Variants in EPN1 observed in about 807,000 individuals in gnomAD.
The protein encoded by EPN1 is epsin 1.
A neutral mutation model predicts 56.9 loss-of-function variants in EPN1; 25 were observed. That is an observed-to-expected ratio of 0.44 (90% confidence interval 0.32 to 0.61). The LOEUF is 0.61. Ranked by LOEUF, EPN1 falls within the 20% of genes least tolerant of loss-of-function variation. The probability of loss-of-function intolerance (pLI) is 0.05; values close to 1 mark genes in which losing one functional copy is unlikely to be tolerated. For synonymous variants in EPN1, 411 were observed against 361.8 expected, an observed-to-expected ratio of 1.14 and a Z score of -1.54; for missense variants, 785 against 823.7, an observed-to-expected ratio of 0.95 and a Z score of 0.58.
chr19:55,690,840 C>T (rs114562824), intron 6 of EPN1, among the ~76,000 whole-genome samples: 395 of 152,264 alleles, frequency 2.6e-3, no homozygotes, highest in African/African-American at 9.0e-3. Context: ...TCTTGGTAGA[C>T]GGAAAGCCTC....
intron 2 of EPN1, among the ~76,000 whole-genome samples, chr19:55,684,860 G>T (rs34964673): frequency 0.12 from 18,178 of 152,290 alleles, 1,213 homozygotes; most frequent in East Asian, 0.25. Context: ...GGCGGCTGTG[G>T]TGCCTGTAGC....
In EPN1 at chr19:55,698,764, CT is replaced by C. The variant is rs55657569; in HGVS notation, c.*3409del. On this transcript the variant is annotated 3_prime_UTR_variant, in exon 11 of 11. Transcript: ENST00000270460. ...GAAGAAATGCCCTTTTTTTTCCCCC[CT>C]AGAAGGAGTCTTGCTCTGTTGCCAG... 0.11 allele frequency: 16,503 copies of C among 151,968 alleles called. 1,039 individuals are homozygous for C. The highest frequency in any genetic ancestry group is 0.19 in the Middle Eastern group (55 of 294). 9.4% of individuals were successfully genotyped at this position (151,968 alleles called of 1,614,324 possible).
At chr19:55,684,239 G>T (rs1986017309) in intron 2 of EPN1, among the ~76,000 whole-genome samples, 2 of 152,164 alleles carry the variant, frequency 1.3e-5, no homozygotes, top group South Asian at 4.1e-4. Context: ...TTTCTCCTTG[G>T]TTCAGACGGA....
In EPN1 at chr19:55,706,547, T is replaced by A. The variant is rs1276544625; in HGVS notation, c.*11191T>A. 1 of 151,186 alleles carries A rather than the reference T, an allele frequency of 6.6e-6. No individual in the cohort carries two copies. Among genetic ancestry groups the A allele is most frequent in the Non-Finnish European group, 1.5e-5 (1 of 67,890 alleles). The allele number at this position is 151,186 out of a possible 1,614,324, so 9.4% of individuals were successfully genotyped here. Reference sequence around the variant, plus strand: ...GATGCCTGTAATCTCAGCTCCTCAGTAGGCTAAGGCGGGAGAATCGCTTGA... The same window carrying A: ...GATGCCTGTAATCTCAGCTCCTCAGAAGGCTAAGGCGGGAGAATCGCTTGA... On this transcript the variant is annotated 3_prime_UTR_variant, in exon 11 of 11. Coordinates refer to ENST00000270460, the MANE Select transcript of EPN1 (RefSeq NM_001130072.2).
At chr19:55,682,871 C>T (rs1290992345) in intron 2 of EPN1, among the ~76,000 whole-genome samples, 1 of 152,054 alleles carries the variant, frequency 6.6e-6, no homozygotes, top group Non-Finnish European at 1.5e-5. Flanking sequence ...ATTCTCCTGC[C>T]TTAGCCTCCC....
At chr19:55,682,528 C>T (rs961928779) in intron 2 of EPN1, among the ~76,000 whole-genome samples, 1 of 152,020 alleles carries the variant, frequency 6.6e-6, no homozygotes, top group African/African-American at 2.4e-5. Flanking sequence ...AAGCAATCCT[C>T]CTGCCACAGC....
At chr19:55,685,910 T>C (rs1986138662) in intron 3 of EPN1, among the ~76,000 whole-genome samples, 1 of 152,130 alleles carries the variant, frequency 6.6e-6, no homozygotes, top group Non-Finnish European at 1.5e-5. Context: ...TTTATTCCGC[T>C]CCCCCATAGG....
rs1027452804 is a variant in EPN1, at chr19:55,696,473, G to T, written c.*1117G>T. On this transcript the variant is annotated 3_prime_UTR_variant, in exon 11 of 11. Transcript: ENST00000270460. Reference sequence around the variant, plus strand: ...TCTTCCATGTGGAGTCTCCCTCCGTGATCCCCTGGGGTCAAGTCCTGACGG... The same window carrying T: ...TCTTCCATGTGGAGTCTCCCTCCGTTATCCCCTGGGGTCAAGTCCTGACGG... 12 of 152,386 alleles carry T rather than the reference G, an allele frequency of 7.9e-5. No individual in the cohort carries two copies. Among genetic ancestry groups the T allele is most frequent in the African/African-American group, 2.9e-4 (12 of 41,460 alleles). 9.4% of individuals were successfully genotyped at this position (152,386 alleles called of 1,614,324 possible). A position where few individuals can be genotyped will look rare whatever the true frequency, so the allele number is the denominator to read the frequency against.
Position 55,695,458 on chromosome 19 carries a change from G to T in EPN1, c.*102G>T. The stretch of plus-strand genomic sequence containing the variant: ...GTGAAATGGGGGATCCCCACCCCCA[G>T]TGCCCTTCCCCTTCCTGGGGCCCAC... On this transcript the variant is annotated 3_prime_UTR_variant, in exon 11 of 11. Transcript: ENST00000270460. The surrounding 1 kb of genome is among the most constrained non-coding windows in gnomAD (Gnocchi z 4.4). 1.5e-6 allele frequency: 1 copy of T among 658,916 alleles called. No individual in the cohort carries two copies. The highest frequency in any genetic ancestry group is 2.6e-6 in the Non-Finnish European group (1 of 386,518). 40.8% of individuals were successfully genotyped at this position (658,916 alleles called of 1,614,324 possible). A position where few individuals can be genotyped will look rare whatever the true frequency, so the allele number is the denominator to read the frequency against.
rs1256542678 is a variant in EPN1, at chr19:55,694,082, G to C, written c.1265-644G>C. ...AAACACAAAATTATTACCCAGGCAT[G>C]GTGGCGCACGCCTGTAATCCCAGCT... On this transcript the variant is annotated intron_variant, in intron 9 of 10. Coordinates refer to ENST00000270460, the MANE Select transcript of EPN1 (RefSeq NM_001130072.2). This position sits in a 1 kb window ranked among gnomAD's most constrained non-coding sequence, Gnocchi z 4.2. The C allele has an allele frequency of 1.3e-5, 2 of 152,146 alleles. No individual in the cohort carries two copies. The highest frequency in any genetic ancestry group is 4.8e-5 in the African/African-American group (2 of 41,408). 9.4% of individuals were successfully genotyped at this position (152,146 alleles called of 1,614,324 possible). A position where few individuals can be genotyped will look rare whatever the true frequency, so the allele number is the denominator to read the frequency against.
chr19:55,690,900 A>G (rs1251871902), intron 6 of EPN1, among the ~76,000 whole-genome samples: 1 of 152,176 alleles, frequency 6.6e-6, no homozygotes, highest in Non-Finnish European at 1.5e-5. Context: ...ACCACAGCCC[A>G]GTGACCCGAG....
In EPN1 at chr19:55,692,031, C is replaced by A. The variant is rs772170929; in HGVS notation, c.1040C>A (p.Thr347Lys). The A allele has an allele frequency of 6.8e-7, 1 of 1,461,130 alleles. No individual in the cohort carries two copies. Among genetic ancestry groups the A allele is most frequent in the Non-Finnish European group, 9.0e-7 (1 of 1,113,450 alleles). 90.5% of individuals were successfully genotyped at this position (1,461,130 alleles called of 1,614,324 possible). The change falls in exon 7 of 11, where the codon ACG becomes AAG. Residue 347 changes from threonine (T) to lysine (K), a missense_variant. Physicochemically the swap from Thr to Lys is moderately conservative, Grantham distance 78. This residue lies in a region of EPN1 where 650 missense variants were observed against 605.0 expected (regional missense o/e 1.07). Coordinates refer to ENST00000270460, the MANE Select transcript of EPN1 (RefSeq NM_001130072.2). ...TPAPAAGEGP[T>K]PDPWGSSDGG... ...GCCCCTGCAGCTGGGGAGGGGCCCA[C>A]GCCTGATCCATGGGGAAGTTCCGAT...
intron 2 of EPN1, among the ~76,000 whole-genome samples, chr19:55,683,533 T>G (rs1215898913): frequency 6.6e-6 from 1 of 150,900 alleles, no homozygotes; most frequent in Non-Finnish European, 1.5e-5. Flanking sequence ...TTTGTGTTTT[T>G]AGTAGAAACA....
intron 2 of EPN1, among the ~76,000 whole-genome samples, chr19:55,683,429 A>G (rs548101154): frequency 6.7e-6 from 1 of 150,056 alleles, no homozygotes; most frequent in Non-Finnish European, 1.5e-5. Flanking sequence ...TTGGCTCACT[A>G]TCACCTCTGC....
In EPN1 at chr19:55,695,353, A is replaced by C; in HGVS notation, c.1728A>C (p.Leu576=). 1.4e-6 allele frequency: 2 copies of C among 1,467,694 alleles called. No homozygotes were observed. Among genetic ancestry groups the C allele is most frequent in the Non-Finnish European group, 1.8e-6 (2 of 1,084,092 alleles). The allele number at this position is 1,467,694 out of a possible 1,614,324, so 90.9% of individuals were successfully genotyped here. A position where few individuals can be genotyped will look rare whatever the true frequency, so the allele number is the denominator to read the frequency against. ...PPAPNTNPFL[L] ...CCCCCAACACTAATCCCTTCCTCCT[A>C]TAATCCAGGGCGGAAGGGGGCCTGG... Residue 576 remains leucine, a synonymous_variant, in exon 11 of 11, where the codon CTA becomes CTC. Transcript: ENST00000270460. This position sits in a 1 kb window ranked among gnomAD's most constrained non-coding sequence, Gnocchi z 4.4.
At chr19:55,675,720 C>T (rs1205054558) in intron 1 of EPN1, among the ~76,000 whole-genome samples, 3 of 152,084 alleles carry the variant, frequency 2.0e-5, no homozygotes, top group Non-Finnish European at 4.4e-5. Context: ...GTGTGTCTGT[C>T]CCGGGTCTCT....
chr19:55,700,583 A>C lies in EPN1; in HGVS notation c.*5227A>C, dbSNP rs893576894. On this transcript the variant is annotated 3_prime_UTR_variant, in exon 11 of 11. Transcript: ENST00000270460. The stretch of plus-strand genomic sequence containing the variant: ...CCCATAATTACAAACTTTCTGAGGG[A>C]CATCTTGAAGCACACAAAACTATAG... The C allele has an allele frequency of 6.6e-6, 1 of 152,194 alleles. No individual in the cohort carries two copies. The highest frequency in any genetic ancestry group is 6.5e-5 in the Admixed American group (1 of 15,272). The allele number at this position is 152,194 out of a possible 1,614,324, so 9.4% of individuals were successfully genotyped here. A position where few individuals can be genotyped will look rare whatever the true frequency, so the allele number is the denominator to read the frequency against.
chr19:55,688,571 G>A (rs1986317918), intron 3 of EPN1, among the ~76,000 whole-genome samples: 1 of 152,160 alleles, frequency 6.6e-6, no homozygotes, highest in African/African-American at 2.4e-5. Flanking sequence ...TCCTGGTGGT[G>A]GCAGGGCTCA....
chr19:55,691,866 C>T lies in EPN1; in HGVS notation c.875C>T (p.Thr292Ile), dbSNP rs1986575287. The T allele has an allele frequency of 4.4e-6, 7 of 1,603,332 alleles. No homozygotes were observed. Among genetic ancestry groups the T allele is most frequent in the African/African-American group, 1.3e-5 (1 of 74,716 alleles). ...GCTGCCGTCCCCACGGCTGCCCCCACCTCGGACCCCTGGGGCGGCCCCCCT... is the reference window on the plus strand; with the variant it reads ...GCTGCCGTCCCCACGGCTGCCCCCATCTCGGACCCCTGGGGCGGCCCCCCT... ...MAAAVPTAAP[T>I]SDPWGGPPVP... Residue 292 changes from threonine (T) to isoleucine (I), a missense_variant, in exon 7 of 11, where the codon ACC becomes ATC. Around this residue, in one of 2 missense-constraint regions of EPN1, gnomAD observed 650 missense variants for 605.0 expected, o/e 1.07. Transcript: ENST00000270460. The surrounding 1 kb of genome is among the most constrained non-coding windows in gnomAD (Gnocchi z 5.6).
Sources: allele counts gnomAD v4.1 joint callset (sites outside exome capture counted in the v4.1 genomes callset), GRCh38; gene constraint gnomAD v4.1.1; regional missense constraint gnomAD v4.1.1; non-coding constraint Gnocchi (gnomAD v3.1); transcripts MANE v1.5; gene names NCBI Gene and HGNC (gene_info 2026-07-23, HGNC 2026-07-21).